The following PCDHGC4 variants were observed in gnomAD, a reference collection of about 807,000 sequenced individuals.
PCDHGC4 encodes protocadherin gamma-C4.
Under a neutral mutation model 59.7 loss-of-function variants are expected in PCDHGC4, and 15 were observed. That is an observed-to-expected ratio of 0.25 (90% CI 0.17 to 0.39). PCDHGC4 has a LOEUF of 0.39. Among genes scored for constraint, PCDHGC4 ranks in the 10% least tolerant of loss-of-function variants. The probability of loss-of-function intolerance (pLI) is 1.00; values close to 1 mark genes in which losing one functional copy is unlikely to be tolerated. For missense variants in PCDHGC4, 1,016 were observed against 1,189.5 expected (o/e 0.85, Z 2.15); for synonymous variants, 434 against 481.4 (o/e 0.90, Z 1.29).
chr5:141,486,688 C>G lies in PCDHGC4; in HGVS notation c.1515C>G (p.Ser505=), dbSNP rs748605515. The change falls in exon 1 of 4, where the codon TCC becomes TCG. Residue 505 remains serine (S), a synonymous_variant. Coordinates refer to ENST00000306593, the MANE Select transcript of PCDHGC4 (RefSeq NM_018928.3). This position sits in a 1 kb window ranked among gnomAD's most constrained non-coding sequence, Gnocchi z 5.0. ...CCAGGAATCGAGATGTATCAGCTTCCTCTTTCATCTCTCTGAACCCCCAGA... is the reference window on the plus strand; with the variant it reads ...CCAGGAATCGAGATGTATCAGCTTCGTCTTTCATCTCTCTGAACCCCCAGA... ...LEPRNRDVSA[S]SFISLNPQTG... The G allele has an allele frequency of 1.2e-6, 2 of 1,614,170 alleles. No homozygotes were observed. The highest frequency in any genetic ancestry group is 8.5e-7 in the Non-Finnish European group (1 of 1,180,044).
rs2099750805 is a variant in PCDHGC4, at chr5:141,493,915, T to C, written c.2443-892T>C. ...TGCTCCATGAGAGTGTGTGATGGGA[T>C]AACACACCCCCTGGAAAGACCAGAA... On this transcript the variant is annotated intron_variant, in intron 1 of 3. Transcript: ENST00000306593. This position sits in a 1 kb window ranked among gnomAD's most constrained non-coding sequence, Gnocchi z 4.3. Among the ~76,000 whole-genome samples, 1 of 152,024 alleles carries C rather than the reference T, an allele frequency of 6.6e-6. No homozygotes were observed. Among genetic ancestry groups the C allele is most frequent in the African/African-American group, 2.4e-5 (1 of 41,386 alleles).
At chr5:141,503,332 C>T (rs536647792) in intron 2 of PCDHGC4, among the ~76,000 whole-genome samples, 5 of 152,074 alleles carry the variant, frequency 3.3e-5, no homozygotes, top group Admixed American at 6.5e-5. Context: ...CGCGGTGGCT[C>T]ACGCCTGTAA....
At position 141,489,760 on chromosome 5, in the gene PCDHGC4, C is replaced by A; in HGVS notation, c.2442+2145C>A. 1 of 1,614,086 alleles carries A rather than the reference C, an allele frequency of 6.2e-7. No individual in the cohort carries two copies. Among genetic ancestry groups the A allele is most frequent in the Non-Finnish European group, 8.5e-7 (1 of 1,179,970 alleles). On this transcript the variant is annotated intron_variant, in intron 1 of 3. Coordinates refer to ENST00000306593, the MANE Select transcript of PCDHGC4 (RefSeq NM_018928.3). This position sits in a 1 kb window ranked among gnomAD's most constrained non-coding sequence, Gnocchi z 4.5. ...TACTGTGAGCTTTTACACTCTAAGC[C>A]CCAACAGCCACTTCTCTCTGAATGT...
At chr5:141,510,818 A>C in intron 3 of PCDHGC4, 129 bp from the exon 4 acceptor site, 1 of 1,551,540 alleles carries the variant, frequency 6.4e-7, no homozygotes, top group Non-Finnish European at 8.7e-7. Context: ...TGACCCCTAT[A>C]TTCCCAGTGC....
Position 141,490,369 on chromosome 5 carries a change from C to T in PCDHGC4, c.2442+2754C>T, listed in dbSNP as rs201347968. On this transcript the variant is annotated intron_variant, in intron 1 of 3. Transcript: ENST00000306593. This position sits in a 1 kb window ranked among gnomAD's most constrained non-coding sequence, Gnocchi z 5.4. ...AGTGGGGTTGTTTAATGTGCGAGAC[C>T]GGGACTCAGGTAGAAATGGTGAAGT... The T allele has an allele frequency of 4.0e-5, 64 of 1,614,090 alleles. No individual in the cohort carries two copies. In the Admixed American group the frequency reaches 6.0e-4, roughly 15 times the overall value.
rs1049654933 is a variant in PCDHGC4 at position 141,497,808 on chromosome 5, A to G, written c.2501+2943A>G. 2.6e-5 allele frequency among the ~76,000 whole-genome samples: 4 copies of G among 152,282 alleles called. No homozygotes were observed. The East Asian group carries it at 7.7e-4, about 29-fold the overall frequency. Reference sequence around the variant, plus strand: ...ACCTGCTTCAGCTTCCCAAAGTGCTAGAATTACAGGTGTGATCGCCCCCGG... The same window carrying G: ...ACCTGCTTCAGCTTCCCAAAGTGCTGGAATTACAGGTGTGATCGCCCCCGG... On this transcript the variant is annotated intron_variant, in intron 2 of 3. Coordinates refer to ENST00000306593, the MANE Select transcript of PCDHGC4 (RefSeq NM_018928.3).
In PCDHGC4 at chr5:141,487,268, G is replaced by A; in HGVS notation, c.2095G>A (p.Ala699Thr). ...LTLYLAVSLV[A>T]ICFVSFGSFV... ...CCTCTACTTGGCTGTGTCCCTAGTG[G>A]CAATTTGCTTTGTCTCCTTTGGCTC... Residue 699 changes from alanine (A) to threonine (T), a missense_variant, in exon 1 of 4, where the codon GCA (alanine) becomes ACA (threonine). Physicochemically the swap from Ala to Thr is moderately conservative, Grantham distance 58. Transcript: ENST00000306593. This position sits in a 1 kb window ranked among gnomAD's most constrained non-coding sequence, Gnocchi z 5.0. 4 of 1,614,100 alleles carry A rather than the reference G, an allele frequency of 2.5e-6. No homozygotes were observed. The South Asian group carries it at 4.4e-5, about 18-fold the overall frequency.
rs150106838 is a variant in PCDHGC4, at chr5:141,503,886, T to C, written c.2502-1507T>C. On this transcript the variant is annotated intron_variant, in intron 2 of 3. Coordinates refer to ENST00000306593, the MANE Select transcript of PCDHGC4 (RefSeq NM_018928.3). Reference sequence around the variant, plus strand: ...AGTTCTTGGTTGTGCTCACCCACCATGACAAAATATGCACACACACAACGC... The same window carrying C: ...AGTTCTTGGTTGTGCTCACCCACCACGACAAAATATGCACACACACAACGC... Among the ~76,000 whole-genome samples, 20 of 152,290 alleles carry C rather than the reference T, an allele frequency of 1.3e-4. No individual in the cohort carries two copies. The South Asian group carries it at 3.9e-3, about 30-fold the overall frequency.
chr5:141,487,936 G>C lies in PCDHGC4; in HGVS notation c.2442+321G>C. On this transcript the variant is annotated intron_variant, in intron 1 of 3. Coordinates refer to ENST00000306593, the MANE Select transcript of PCDHGC4 (RefSeq NM_018928.3). This position sits in a 1 kb window ranked among gnomAD's most constrained non-coding sequence, Gnocchi z 5.0. The stretch of plus-strand genomic sequence containing the variant: ...AGGAGGCTACAGTGCACAGGGTACA[G>C]TGCACCAGGCAGTCACTTGGACAAA... 4.9e-6 allele frequency: 3 copies of C among 607,906 alleles called. No homozygotes were observed. The highest frequency in any genetic ancestry group is 3.7e-5 in the African/African-American group (2 of 54,158). 37.7% of individuals were successfully genotyped at this position (607,906 alleles called of 1,614,324 possible). A position where few individuals can be genotyped will look rare whatever the true frequency, so the allele number is the denominator to read the frequency against.
intron 2 of PCDHGC4, 119 bp from the exon 3 acceptor site, chr5:141,505,274 C>T: frequency 6.6e-7 from 1 of 1,524,344 alleles, no homozygotes; most frequent in East Asian, 2.3e-5. Flanking sequence ...CTGAGAGAAA[C>T]AGGTCTTGGG....
chr5:141,492,274 A>C (rs2099739010), intron 1 of PCDHGC4, among the ~76,000 whole-genome samples: 1 of 152,024 alleles, frequency 6.6e-6, no homozygotes, highest in Non-Finnish European at 1.5e-5. Flanking sequence ...CGGGCTCGCC[A>C]CGCCCCGCCA....
Position 141,486,058 on chromosome 5 carries a change from G to A in PCDHGC4, c.885G>A (p.Leu295=). Residue 295 remains leucine (L), a synonymous_variant, in exon 1 of 4, where the codon CTG becomes CTA. Transcript: ENST00000306593. The surrounding 1 kb of genome is among the most constrained non-coding windows in gnomAD (Gnocchi z 5.0). The stretch of plus-strand genomic sequence containing the variant: ...ATCGTGTAAGAAACCTCTTTAGCCT[G>A]CACCCCACTACTGGAAAGCTTACTC... ...TPDRVRNLFS[L]HPTTGKLTLL... The A allele has an allele frequency of 6.2e-7, 1 of 1,614,122 alleles. No homozygotes were observed. The highest frequency in any genetic ancestry group is 8.5e-7 in the Non-Finnish European group (1 of 1,180,012).
At position 141,491,681 on chromosome 5, in the gene PCDHGC4, C is replaced by T; in HGVS notation, c.2443-3126C>T. 6.2e-6 allele frequency: 10 copies of T among 1,613,458 alleles called. No homozygotes were observed. Among genetic ancestry groups the T allele is most frequent in the Non-Finnish European group, 8.5e-6 (10 of 1,179,804 alleles). On this transcript the variant is annotated intron_variant, in intron 1 of 3. Transcript: ENST00000306593. The surrounding 1 kb of genome is among the most constrained non-coding windows in gnomAD (Gnocchi z 6.9). ...GACGCCATCCGGTCCCGCTCTAATA[C>T]GCTGCGGGAGCGGAGCCAGGTGAGG...
intron 3 of PCDHGC4, 154 bp from the exon 4 acceptor site, chr5:141,510,793 G>A: frequency 1.1e-6 from 1 of 935,078 alleles, no homozygotes; most frequent in Non-Finnish European, 1.3e-6. Context: ...CTCTTGTGAA[G>A]AGAGACTACC....
In PCDHGC4 at chr5:141,489,664, A is replaced by C. The variant is rs745597010; in HGVS notation, c.2442+2049A>C. 1.9e-6 allele frequency: 3 copies of C among 1,614,224 alleles called. No individual in the cohort carries two copies. Among genetic ancestry groups the C allele is most frequent in the African/African-American group, 1.3e-5 (1 of 75,058 alleles). On this transcript the variant is annotated intron_variant, in intron 1 of 3. Transcript: ENST00000306593. This position sits in a 1 kb window ranked among gnomAD's most constrained non-coding sequence, Gnocchi z 4.5. ...TGCCACCCCTGAGCGAGAGATGCGC[A>C]TCTCAGAATCAGCAGCATCTGGGGC... is the stretch of plus-strand genomic sequence containing the variant.
At chr5:141,495,356 C>A (rs889897990) in intron 2 of PCDHGC4, among the ~76,000 whole-genome samples, 3 of 152,222 alleles carry the variant, frequency 2.0e-5, no homozygotes, top group Non-Finnish European at 4.4e-5. Flanking sequence ...GGCAGCACAG[C>A]TGGAGGTGGA....
In PCDHGC4 at chr5:141,491,778, C is replaced by T. The variant is rs568710854; in HGVS notation, c.2443-3029C>T. 3.1e-4 allele frequency: 482 copies of T among 1,547,678 alleles called. No homozygotes were observed. The highest frequency in any genetic ancestry group is 2.2e-3 in the Middle Eastern group (13 of 5,890). On this transcript the variant is annotated intron_variant, in intron 1 of 3. Transcript: ENST00000306593. This position sits in a 1 kb window ranked among gnomAD's most constrained non-coding sequence, Gnocchi z 6.9. Reference sequence around the variant, plus strand: ...CCGCCCGTCCTCATAAGGGATTGAACTTGCATCCACTCCTCTCCGGCCGGC... The same window carrying T: ...CCGCCCGTCCTCATAAGGGATTGAATTTGCATCCACTCCTCTCCGGCCGGC...
At chr5:141,494,365 C>A (rs193174055) in intron 1 of PCDHGC4, among the ~76,000 whole-genome samples, 20 of 152,290 alleles carry the variant, frequency 1.3e-4, no homozygotes, top group Non-Finnish European at 2.2e-4. Context: ...GCAGAGGATG[C>A]TTTGTTCCCA....
At chr5:141,510,785 C>G (rs951225541) in intron 3 of PCDHGC4, among the ~76,000 whole-genome samples, 162 bp from the exon 4 acceptor site, 1 of 152,150 alleles carries the variant, frequency 6.6e-6, no homozygotes, top group Non-Finnish European at 1.5e-5. Flanking sequence ...ACCCTCAACT[C>G]TTGTGAAGAG....
Sources: gnomAD v4.1 joint callset for allele counts (sites outside exome capture counted in the v4.1 genomes callset) on GRCh38, gnomAD v4.1.1 for gene constraint, Gnocchi (gnomAD v3.1) non-coding constraint, MANE v1.5 for transcripts, NCBI Gene and HGNC (gene_info 2026-07-23, HGNC 2026-07-21) for gene names.